The following WNT2B variants were observed in gnomAD, a reference collection of about 807,000 sequenced individuals.
The protein encoded by WNT2B is protein Wnt-2b.
In WNT2B, 19 loss-of-function variants were observed where a neutral mutation model predicts 40.5. The observed-to-expected ratio is 0.47, with a 90% CI of 0.33 to 0.69. WNT2B has a LOEUF of 0.69. Ranked by LOEUF, WNT2B falls within the 30% of genes least tolerant of loss-of-function variation. The pLI is 0.02. For missense variants in WNT2B, 467 were observed against 556.4 expected, an observed-to-expected ratio of 0.84 and a Z score of 1.62; for synonymous variants, 220 against 211.9, an observed-to-expected ratio of 1.04 and a Z score of -0.33.
At chr1:112,473,900 C>CAA (rs1253321068) in intron 1 of WNT2B, among the ~76,000 whole-genome samples, 3 of 114,410 alleles carry the variant, frequency 2.6e-5, no homozygotes, top group Non-Finnish European at 3.7e-5. Flanking sequence ...ACTAAAAATA[C>CAA]AAAAAAAAAA....
chr1:112,501,904 C>T (rs1366399722), intron 1 of WNT2B, among the ~76,000 whole-genome samples: 2 of 152,222 alleles, frequency 1.3e-5, no homozygotes, highest in Non-Finnish European at 2.9e-5. Flanking sequence ...GTGCCACGCC[C>T]GCTCCTAAGG....
intron 1 of WNT2B, among the ~76,000 whole-genome samples, chr1:112,485,753 A>G (rs1375578421): frequency 2.6e-5 from 4 of 152,024 alleles, no homozygotes; most frequent in African/African-American, 9.7e-5. Flanking sequence ...CCTAAATGTA[A>G]AACCTAAAAA....
chr1:112,488,437 CCTT>C (rs35195770), intron 1 of WNT2B, among the ~76,000 whole-genome samples: 108,129 of 151,576 alleles, frequency 0.71, 39,205 homozygotes, highest in Non-Finnish European at 0.79. Flanking sequence ...ATTAGATTGG[CCTT>C]CTTCCTTACC....
intron 1 of WNT2B, among the ~76,000 whole-genome samples, chr1:112,483,719 C>T (rs985418636): frequency 2.9e-4 from 42 of 147,192 alleles, no homozygotes; most frequent in African/African-American, 9.2e-4. Flanking sequence ...TATTTTCAAA[C>T]TATGTATCTG....
rs145011115 is a variant in WNT2B, at chr1:112,515,059, G to A, written c.368G>A (p.Arg123Gln). ...HHRWNCTTLDRDHTVFGRVML... is the reference protein window; with the variant it reads ...HHRWNCTTLDQDHTVFGRVML... Reference sequence around the variant, plus strand: ...CGCTGGAACTGTACCACCCTGGACCGGGACCACACCGTCTTTGGCCGTGTC... The same window carrying A: ...CGCTGGAACTGTACCACCCTGGACCAGGACCACACCGTCTTTGGCCGTGTC... Residue 123 changes from arginine to glutamine, a missense_variant, in exon 2 of 5, where the codon CGG becomes CAG. This residue lies in a region of WNT2B where 330 missense variants were observed against 438.6 expected (regional missense o/e 0.75). Transcript: ENST00000369684. The surrounding 1 kb of genome is among the most constrained non-coding windows in gnomAD (Gnocchi z 4.4). 5.4e-5 allele frequency: 87 copies of A among 1,614,058 alleles called. No homozygotes were observed. The highest frequency in any genetic ancestry group is 8.8e-5 in the South Asian group (8 of 91,086).
intron 1 of WNT2B, among the ~76,000 whole-genome samples, chr1:112,514,279 G>A (rs985248160): frequency 1.1e-4 from 16 of 152,182 alleles, no homozygotes; most frequent in Admixed American, 7.9e-4. Context: ...GTAGAGGGTG[G>A]GGTCTTCCTC....
At chr1:112,499,474 T>C (rs1651878999) in intron 1 of WNT2B, among the ~76,000 whole-genome samples, 1 of 152,224 alleles carries the variant, frequency 6.6e-6, no homozygotes, top group South Asian at 2.1e-4. Flanking sequence ...ATCCCAGATA[T>C]GCAAGGCTGA....
chr1:112,475,549 C>T (rs1373530743), intron 1 of WNT2B, among the ~76,000 whole-genome samples: 1 of 151,912 alleles, frequency 6.6e-6, no homozygotes, highest in Non-Finnish European at 1.5e-5. Context: ...ACAATGATAG[C>T]ACAAACGCTG....
intron 1 of WNT2B, among the ~76,000 whole-genome samples, chr1:112,497,511 T>C (rs1651815757): frequency 6.6e-6 from 1 of 152,204 alleles, no homozygotes; most frequent in Non-Finnish European, 1.5e-5. Flanking sequence ...GTCTCACAGG[T>C]GCCCTAGGCA....
At chr1:112,497,899 A>G (rs1017315245) in intron 1 of WNT2B, among the ~76,000 whole-genome samples, 16 of 151,064 alleles carry the variant, frequency 1.1e-4, no homozygotes, top group African/African-American at 3.9e-4. Flanking sequence ...TCCACCAAAT[A>G]TCCTAGTTCA....
chr1:112,479,057 C>T (rs1442747649), intron 1 of WNT2B, among the ~76,000 whole-genome samples: 1 of 151,610 alleles, frequency 6.6e-6, no homozygotes, highest in Non-Finnish European at 1.5e-5. Flanking sequence ...CTTGTCTCTA[C>T]TAAAAATACA....
Position 112,522,956 on chromosome 1 carries a change from G to A in WNT2B, c.*2447G>A, listed in dbSNP as rs1194062880. ...GCTTTGGGGTAGTGGAGAGGTAAGG[G>A]GGTCATGGTCAGTCTGAACTCAACA... On this transcript the variant is annotated 3_prime_UTR_variant, in exon 5 of 5. Coordinates refer to ENST00000369684, the MANE Select transcript of WNT2B (RefSeq NM_024494.3). 1 of 152,174 alleles carries A rather than the reference G, an allele frequency of 6.6e-6. No individual in the cohort carries two copies. Among genetic ancestry groups the A allele is most frequent in the Admixed American group, 6.5e-5 (1 of 15,268 alleles). 9.4% of individuals were successfully genotyped at this position (152,174 alleles called of 1,614,324 possible). A position where few individuals can be genotyped will look rare whatever the true frequency, so the allele number is the denominator to read the frequency against.
intron 1 of WNT2B, among the ~76,000 whole-genome samples, chr1:112,495,906 C>T (rs1651752753): frequency 6.6e-6 from 1 of 152,078 alleles, no homozygotes; most frequent in Non-Finnish European, 1.5e-5. Flanking sequence ...CTGAATCCTC[C>T]AGAGTGGAGG....
chr1:112,496,786 GAC>G (rs1651788551), intron 1 of WNT2B, among the ~76,000 whole-genome samples: 1 of 152,030 alleles, frequency 6.6e-6, no homozygotes, highest in Admixed American at 6.6e-5. Context: ...TTTTAGTAGA[GAC>G]AGGGTTTCTC....
intron 1 of WNT2B, among the ~76,000 whole-genome samples, chr1:112,495,910 G>A (rs1030388991): frequency 6.6e-6 from 1 of 152,116 alleles, no homozygotes; most frequent in Admixed American, 6.5e-5. Flanking sequence ...ATCCTCCAGA[G>A]TGGAGGACTG....
At chr1:112,517,438 C>A in intron 4 of WNT2B, 53 bp downstream of exon 4, 2 of 1,555,044 alleles carry the variant, frequency 1.3e-6, no homozygotes, top group South Asian at 1.2e-5. Context: ...AGTGCAGGCA[C>A]CCCTGGTTAA....
intron 1 of WNT2B, among the ~76,000 whole-genome samples, chr1:112,500,875 A>C (rs1651927527): frequency 6.6e-6 from 1 of 152,234 alleles, no homozygotes. Flanking sequence ...CCCGATTACA[A>C]ACATCTTTCT....
At chr1:112,506,184 T>C, upstream of WNT2B, among the ~76,000 whole-genome samples, 1 of 152,036 alleles carries the variant, frequency 6.6e-6, no homozygotes, top group East Asian at 1.9e-4. Context: ...TTTAAAAAAT[T>C]TTTTGGGTCT....
In WNT2B at chr1:112,491,205, C is replaced by T. The variant is rs571640666; in HGVS notation, c.-95+23614C>T. The T allele has an allele frequency of 1.2e-4, 104 of 862,506 alleles. No individual in the cohort carries two copies. The South Asian group carries it at 1.2e-3, about 10-fold the overall frequency. 53.4% of individuals were successfully genotyped at this position (862,506 alleles called of 1,614,324 possible). On this transcript the variant is annotated intron_variant, in intron 1 of 4. Transcript: ENST00000256640. ...CGGGTGGATCACAAGGGCAAGAGTT[C>T]GAGACCAGCCTGGCCAACATGGTGA...
Sources: allele counts gnomAD v4.1 joint callset (sites outside exome capture counted in the v4.1 genomes callset), GRCh38; gene constraint gnomAD v4.1.1; regional missense constraint gnomAD v4.1.1; non-coding constraint Gnocchi (gnomAD v3.1); transcripts MANE v1.5; gene names NCBI Gene and HGNC (gene_info 2026-07-23, HGNC 2026-07-21).